Variants in CNTLN observed in about 807,000 individuals in gnomAD.
The protein encoded by CNTLN is centlein, centrosomal protein.
CNTLN carries 212 observed loss-of-function variants against 180.0 expected under a neutral mutation model. The observed-to-expected ratio is 1.18, with a 90% CI of 1.05 to 1.32. The LOEUF (loss-of-function observed/expected upper bound fraction) is 1.32, where lower values mean the gene tolerates loss of function less well. CNTLN is among the 40% of genes most tolerant of loss of function. CNTLN has a pLI of 0.00. For missense variants in CNTLN, 2,095 were observed against 1,610.9 expected, an observed-to-expected ratio of 1.30 and a Z score of -5.14; for synonymous variants, 722 against 563.1, an observed-to-expected ratio of 1.28 and a Z score of -3.99.
chr9:17,254,896 A>C (rs1036956976), intron 5 of CNTLN, among the ~76,000 whole-genome samples: 12 of 151,732 alleles, frequency 7.9e-5, no homozygotes, highest in African/African-American at 2.7e-4. Context: ...CATCTTAACA[A>C]CATTGTCTTC....
intron 19 of CNTLN, among the ~76,000 whole-genome samples, chr9:17,461,181 TATG>T (rs1588049356): frequency 6.6e-6 from 1 of 151,572 alleles, no homozygotes; most frequent in Non-Finnish European, 1.5e-5. Context: ...ATATTTATGA[TATG>T]ATATCACTAT....
At chr9:17,272,311 G>A (rs931080069) in intron 5 of CNTLN, among the ~76,000 whole-genome samples, 4 of 152,022 alleles carry the variant, frequency 2.6e-5, no homozygotes, top group African/African-American at 9.7e-5. Context: ...AGTTGACCTC[G>A]TGATCTGCCC....
At chr9:17,274,004 C>T (rs1828124671) in intron 6 of CNTLN, 138 bp downstream of exon 6, 2 of 679,850 alleles carry the variant, frequency 2.9e-6, no homozygotes, top group South Asian at 6.0e-5. Context: ...CATTGAGAAT[C>T]TGGAGTTATT....
At chr9:17,200,946 C>T (rs1326090985) in intron 2 of CNTLN, among the ~76,000 whole-genome samples, 1 of 152,140 alleles carries the variant, frequency 6.6e-6, no homozygotes, top group Non-Finnish European at 1.5e-5. Flanking sequence ...TTTGCTCATT[C>T]AGTAAGATAT....
intron 6 of CNTLN, among the ~76,000 whole-genome samples, chr9:17,294,770 G>C (rs1425538677): frequency 4.4e-5 from 3 of 68,074 alleles, no homozygotes; most frequent in Non-Finnish European, 9.0e-5. Flanking sequence ...AGCCCACCGC[G>C]GGGGGAGTGA....
chr9:17,150,797 C>A (rs1474241654), intron 2 of CNTLN, among the ~76,000 whole-genome samples: 1 of 152,070 alleles, frequency 6.6e-6, no homozygotes, highest in Non-Finnish European at 1.5e-5. Flanking sequence ...GAATTTTTTT[C>A]CATTTGTTTG....
At chr9:17,528,371 C>T in the CNTLN span, among the ~76,000 whole-genome samples, 1 of 152,154 alleles carries the variant, frequency 6.6e-6, no homozygotes, top group Non-Finnish European at 1.5e-5. Context: ...TTTCTTCCCC[C>T]TAATCCATAA....
At chr9:17,351,048 G>T (rs1015992621) in intron 12 of CNTLN, among the ~76,000 whole-genome samples, 3 of 152,050 alleles carry the variant, frequency 2.0e-5, no homozygotes, top group Non-Finnish European at 4.4e-5. Context: ...GTAACTAAAG[G>T]ATACTTTTTC....
the CNTLN span, among the ~76,000 whole-genome samples, chr9:17,521,072 T>A: frequency 6.6e-6 from 1 of 152,184 alleles, no homozygotes; most frequent in Non-Finnish European, 1.5e-5. Context: ...ACTGTTTATC[T>A]GTAAGTAATC....
chr9:17,357,217 T>C (rs534148353), intron 12 of CNTLN, among the ~76,000 whole-genome samples: 2 of 152,038 alleles, frequency 1.3e-5, no homozygotes, highest in African/African-American at 4.8e-5. Context: ...TAATGTTTCA[T>C]TTTATGTATA....
chr9:17,453,275 T>G (rs1163768824), intron 18 of CNTLN, among the ~76,000 whole-genome samples: 1 of 152,090 alleles, frequency 6.6e-6, no homozygotes, highest in Non-Finnish European at 1.5e-5. Context: ...ATTGAGCCAC[T>G]GCACTCCAGC....
intron 1 of CNTLN, among the ~76,000 whole-genome samples, chr9:17,135,638 C>A (rs1817661000): frequency 6.6e-6 from 1 of 151,454 alleles, no homozygotes; most frequent in Non-Finnish European, 1.5e-5. Context: ...CGAACTGCGG[C>A]CAGACAGGCT....
At chr9:17,195,015 A>G (rs775907343) in intron 2 of CNTLN, among the ~76,000 whole-genome samples, 1 of 152,190 alleles carries the variant, frequency 6.6e-6, no homozygotes, top group Non-Finnish European at 1.5e-5. Flanking sequence ...CCATAATTCA[A>G]ATGGTCTCCC....
chr9:17,282,813 C>G (rs1019202295), intron 6 of CNTLN, among the ~76,000 whole-genome samples: 1 of 152,142 alleles, frequency 6.6e-6, no homozygotes, highest in Non-Finnish European at 1.5e-5. Flanking sequence ...TATGGCTAGC[C>G]AGTTTTCCCA....
At chr9:17,367,598 TGAG>T (rs1181173641) in intron 13 of CNTLN, among the ~76,000 whole-genome samples, 1 of 151,952 alleles carries the variant, frequency 6.6e-6, no homozygotes, top group African/African-American at 2.4e-5. Flanking sequence ...TCCATCTGCT[TGAG>T]GAGGAGAGAA....
intron 13 of CNTLN, among the ~76,000 whole-genome samples, chr9:17,367,628 C>G (rs546104433): frequency 6.6e-6 from 1 of 152,160 alleles, no homozygotes; most frequent in African/African-American, 2.4e-5. Context: ...TCAAATAGGT[C>G]TTTGTCTTGC....
At chr9:17,159,942 A>G (rs1359531477) in intron 2 of CNTLN, among the ~76,000 whole-genome samples, 2 of 152,156 alleles carry the variant, frequency 1.3e-5, no homozygotes, top group Non-Finnish European at 2.9e-5. Flanking sequence ...TTCAATCATC[A>G]TCTCTCAATG....
intron 9 of CNTLN, among the ~76,000 whole-genome samples, chr9:17,331,226 G>C (rs1360659217): frequency 6.6e-6 from 1 of 151,648 alleles, no homozygotes; most frequent in Non-Finnish European, 1.5e-5. Context: ...TTAAAATACT[G>C]TCTGTGTGGA....
At chr9:17,388,905 T>C (rs2133669959) in intron 14 of CNTLN, among the ~76,000 whole-genome samples, 1 of 151,978 alleles carries the variant, frequency 6.6e-6, no homozygotes, top group East Asian at 1.9e-4. Flanking sequence ...TACATTGTTA[T>C]CAAGTTCAAT....
Sources: allele counts gnomAD v4.1 joint callset (sites outside exome capture counted in the v4.1 genomes callset), GRCh38; gene constraint gnomAD v4.1.1; transcripts MANE v1.5; gene names NCBI Gene and HGNC (gene_info 2026-07-23, HGNC 2026-07-21).